Variants in CACNB3 observed in about 807,000 individuals in gnomAD.
CACNB3 encodes the protein calcium voltage-gated channel auxiliary subunit beta 3.
CACNB3 carries 36 observed loss-of-function variants against 63.7 expected under a neutral mutation model. That is an observed-to-expected ratio of 0.57 (90% CI 0.43 to 0.75). The LOEUF (loss-of-function observed/expected upper bound fraction) is 0.75. CACNB3 is among the 30% of genes least tolerant of loss of function. The probability of loss-of-function intolerance (pLI) is 0.00; values close to 1 mark genes in which losing one functional copy is unlikely to be tolerated. For synonymous variants in CACNB3, 241 were observed against 250.6 expected (o/e 0.96, Z 0.36); for missense variants, 493 against 648.6 (o/e 0.76, Z 2.61).
At chr12:48,814,597 G>A, upstream of CACNB3, 6 of 1,485,062 alleles carry the variant, frequency 4.0e-6, no homozygotes, top group South Asian at 2.5e-5. This position sits in a 1 kb window ranked among gnomAD's most constrained non-coding sequence, Gnocchi z 6.9. Context: ...GTGTCTCGAA[G>A]GAGCCCCACG....
intron 1 of CACNB3, among the ~76,000 whole-genome samples, chr12:48,819,239 G>T (rs1242711740): frequency 6.6e-6 from 1 of 152,098 alleles, no homozygotes; most frequent in African/African-American, 2.4e-5. Context: ...GCCCAGGAAA[G>T]AGGGGTGGGA....
At chr12:48,824,138 C>G in intron 3 of CACNB3, 120 bp from the exon 4 acceptor site, 1 of 854,252 alleles carries the variant, frequency 1.2e-6, no homozygotes, top group Non-Finnish European at 1.8e-6. Flanking sequence ...GCCCACCGCC[C>G]CTTGCATTGC....
intron 12 of CACNB3, 59 bp downstream of exon 12, chr12:48,827,182 C>T (rs1247717690): frequency 6.3e-7 from 1 of 1,586,988 alleles, no homozygotes; most frequent in Non-Finnish European, 8.6e-7. Flanking sequence ...ACTGCCCCTC[C>T]CTGCCCAGAG....
intron 1 of CACNB3, chr12:48,820,484 G>A (rs1180160971): frequency 1.3e-5 from 2 of 152,242 alleles, no homozygotes; most frequent in African/African-American, 4.8e-5. Flanking sequence ...GGCCCCCTCT[G>A]AAGCAGTAGG....
At chr12:48,824,471 T>C in intron 4 of CACNB3, 98 bp downstream of exon 4, 1 of 1,150,224 alleles carries the variant, frequency 8.7e-7, no homozygotes. Flanking sequence ...CATATCCCCC[T>C]GAAATACACA....
chr12:48,825,286 C>G lies in CACNB3; in HGVS notation c.573+43C>G. The G allele has an allele frequency of 6.3e-7, 1 of 1,595,678 alleles. No homozygotes were observed. Among genetic ancestry groups the G allele is most frequent in the African/African-American group, 1.3e-5 (1 of 74,646 alleles). On this transcript the variant is annotated intron_variant, in intron 7 of 12. Transcript: ENST00000301050. This position sits in a 1 kb window ranked among gnomAD's most constrained non-coding sequence, Gnocchi z 4.5. ...ACCCCAAAGAGTCACCTCTACCAAG[C>G]CTGCCACAGGAAGTCCCTAGGGAAA...
At chr12:48,827,220 G>A (rs960942535) in intron 12 of CACNB3, 97 bp downstream of exon 12, 64 of 1,430,302 alleles carry the variant, frequency 4.5e-5, no homozygotes, top group Non-Finnish European at 5.9e-5. Flanking sequence ...AGTTCAGCAT[G>A]CCAAAGGATT....
In CACNB3 at chr12:48,827,717, C is replaced by G. The variant is rs201476518; in HGVS notation, c.1273C>G (p.Leu425Val). ...ATCTTCACAGCGTAGCTCCCGCCAC[C>G]TGGAGGAGGACTATGCAGATGCCTA... ...TGSSQRSSRH[L>V]EEDYADAYQD... Residue 425 changes from leucine to valine, a missense_variant, in exon 13 of 13, where the codon CTG becomes GTG. Physicochemically the swap from Leu to Val is conservative, Grantham distance 32. Transcript: ENST00000301050. The G allele has an allele frequency of 1.9e-6, 3 of 1,614,142 alleles. No individual in the cohort carries two copies. The East Asian group carries it at 6.7e-5, about 36-fold the overall frequency.
rs755663655 is a variant in CACNB3, at chr12:48,818,899, C to A, written c.-31C>A. ...GCCTCCGGGCCGCTCCCGCCCCCGGCGCCGCTCGCTCCCCCGACCCGGACT... is the reference window on the plus strand; with the variant it reads ...GCCTCCGGGCCGCTCCCGCCCCCGGAGCCGCTCGCTCCCCCGACCCGGACT... On this transcript the variant is annotated 5_prime_UTR_variant, in exon 1 of 13. Coordinates refer to ENST00000301050, the MANE Select transcript of CACNB3 (RefSeq NM_000725.4). This position sits in a 1 kb window ranked among gnomAD's most constrained non-coding sequence, Gnocchi z 4.3. The A allele has an allele frequency of 1.3e-6, 2 of 1,551,888 alleles. No homozygotes were observed. The highest frequency in any genetic ancestry group is 1.7e-6 in the Non-Finnish European group (2 of 1,148,652).
rs898135726 is a variant in CACNB3 at position 48,818,873 on chromosome 12, T to C, written c.-57T>C. ...GGGCGCGGCCCGCAGTCCTTGCCCC[T>C]GCCTCCGGGCCGCTCCCGCCCCCGG... is the stretch of plus-strand genomic sequence containing the variant. On this transcript the variant is annotated 5_prime_UTR_variant, in exon 1 of 13. Coordinates refer to ENST00000301050, the MANE Select transcript of CACNB3 (RefSeq NM_000725.4). This position sits in a 1 kb window ranked among gnomAD's most constrained non-coding sequence, Gnocchi z 4.3. The C allele has an allele frequency of 3.0e-5, 46 of 1,531,490 alleles. No individual in the cohort carries two copies. The Admixed American group carries it at 5.1e-4, about 17-fold the overall frequency. The allele number at this position is 1,531,490 out of a possible 1,614,324, so 94.9% of individuals were successfully genotyped here. A position where few individuals can be genotyped will look rare whatever the true frequency, so the allele number is the denominator to read the frequency against.
At chr12:48,814,517 C>T (rs988397383), upstream of CACNB3, 5 of 1,529,506 alleles carry the variant, frequency 3.3e-6, no homozygotes, top group Admixed American at 7.9e-5. This position sits in a 1 kb window ranked among gnomAD's most constrained non-coding sequence, Gnocchi z 6.9. Flanking sequence ...GGACGCTGCC[C>T]GGCTTAGCTG....
chr12:48,818,674 GGCGCCAGATTCCTCAGCC>G lies in CACNB3; in HGVS notation c.-251_-234del. 8.2e-7 allele frequency: 1 copy of G among 1,216,412 alleles called. No individual in the cohort carries two copies. The highest frequency in any genetic ancestry group is 1.0e-6 in the Non-Finnish European group (1 of 977,622). The allele number at this position is 1,216,412 out of a possible 1,614,324, so 75.4% of individuals were successfully genotyped here. ...GGCGGGCACTATTGTTGTAGGAGCC[GGCGCCAGATTCCTCAGCC>G]GCGCTCGGGGTGGGACCGGCTGGGT... is the stretch of plus-strand genomic sequence containing the variant. On this transcript the variant is annotated 5_prime_UTR_variant, in exon 1 of 13. Transcript: ENST00000301050. The surrounding 1 kb of genome is among the most constrained non-coding windows in gnomAD (Gnocchi z 4.3).
chr12:48,822,166 C>T (rs1314142991), intron 1 of CACNB3, among the ~76,000 whole-genome samples: 1 of 152,210 alleles, frequency 6.6e-6, no homozygotes, highest in Admixed American at 6.5e-5. Flanking sequence ...AGGCTTATCC[C>T]TTCTCTCTGC....
chr12:48,819,890 T>G (rs1015324087), intron 1 of CACNB3: 1 of 323,094 alleles, frequency 3.1e-6, no homozygotes, highest in South Asian at 2.3e-5. Context: ...GGGGCAAGAA[T>G]GCGGAGCAGC....
Position 48,828,924 on chromosome 12 carries a change from T to C in CACNB3, c.*1025T>C, listed in dbSNP as rs1174720547. 1.6e-5 allele frequency: 6 copies of C among 367,154 alleles called. 1 individual carries two copies. The highest frequency in any genetic ancestry group is 3.4e-5 in the Admixed American group (1 of 29,070). 22.7% of individuals were successfully genotyped at this position (367,154 alleles called of 1,614,324 possible). On this transcript the variant is annotated 3_prime_UTR_variant, in exon 13 of 13. Coordinates refer to ENST00000301050, the MANE Select transcript of CACNB3 (RefSeq NM_000725.4). ...TGCCTCACCTCACTGTCATCACTAA[T>C]AAACATCATGCACAGTCCCTCCGGC...
upstream of CACNB3, chr12:48,815,656 G>A (rs1024893436): frequency 1.2e-5 from 19 of 1,533,902 alleles, no homozygotes; most frequent in African/African-American, 2.1e-4. Flanking sequence ...CCCCTGGCCC[G>A]GGGGAGGGGG....
rs1368514320 is a variant in CACNB3, at chr12:48,827,267, G to A, written c.1140+144G>A. The A allele has an allele frequency of 4.8e-6, 5 of 1,039,716 alleles. No individual in the cohort carries two copies. The Admixed American group carries it at 7.2e-5, about 15-fold the overall frequency. 64.4% of individuals were successfully genotyped at this position (1,039,716 alleles called of 1,614,324 possible). ...AGCTCTGCTGTACAGAGCTAGCACAGACGGGCAAAGGAACTTCCTGAGGAG... is the reference window on the plus strand; with the variant it reads ...AGCTCTGCTGTACAGAGCTAGCACAAACGGGCAAAGGAACTTCCTGAGGAG... On this transcript the variant is annotated intron_variant, in intron 12 of 12. Coordinates refer to ENST00000301050, the MANE Select transcript of CACNB3 (RefSeq NM_000725.4).
intron 1 of CACNB3, among the ~76,000 whole-genome samples, chr12:48,822,536 G>T (rs1937905854): frequency 6.6e-6 from 1 of 152,152 alleles, no homozygotes; most frequent in Non-Finnish European, 1.5e-5. Flanking sequence ...ATGTCCCCTG[G>T]GCCTGGGAAA....
At chr12:48,819,529 T>C (rs1937732453) in intron 1 of CACNB3, 1 of 342,024 alleles carries the variant, frequency 2.9e-6, no homozygotes, top group Non-Finnish European at 5.8e-6. Flanking sequence ...TCTCTGCGCA[T>C]TGCCTCATCT....
Sources: gnomAD v4.1 joint callset for allele counts (sites outside exome capture counted in the v4.1 genomes callset) on GRCh38, gnomAD v4.1.1 for gene constraint, Gnocchi (gnomAD v3.1) non-coding constraint, MANE v1.5 for transcripts, NCBI Gene and HGNC (gene_info 2026-07-23, HGNC 2026-07-21) for gene names.